Variants in HIPK2 observed in about 807,000 individuals in gnomAD.
HIPK2 encodes the protein homeodomain interacting protein kinase 2.
A neutral mutation model predicts 113.7 loss-of-function variants in HIPK2; 27 were observed. That is an observed-to-expected ratio of 0.24 (90% CI 0.17 to 0.33). The LOEUF is 0.33. HIPK2 is among the 10% of genes least tolerant of loss of function. The probability of loss-of-function intolerance (pLI) is 1.00; values close to 1 mark genes in which losing one functional copy is unlikely to be tolerated. For missense variants in HIPK2, 1,257 were observed against 1,588.0 expected, an observed-to-expected ratio of 0.79 and a Z score of 3.54; for synonymous variants, 631 against 642.2, an observed-to-expected ratio of 0.98 and a Z score of 0.26.
chr7:139,760,247 G>A (rs574122539), intron 1 of HIPK2, among the ~76,000 whole-genome samples: 7 of 152,106 alleles, frequency 4.6e-5, no homozygotes, highest in South Asian at 2.1e-4. Context: ...CTCATCATCC[G>A]CCCACCTCGG....
intron 1 of HIPK2, among the ~76,000 whole-genome samples, chr7:139,774,490 A>G (rs762485675): frequency 2.6e-5 from 4 of 152,236 alleles, no homozygotes; most frequent in African/African-American, 9.6e-5. Context: ...ACAGGAACAG[A>G]TATTTTAGGG....
intron 1 of HIPK2, 150 bp from the exon 2 acceptor site, chr7:139,717,165 C>T: frequency 9.5e-7 from 1 of 1,047,188 alleles, no homozygotes; most frequent in Non-Finnish European, 1.3e-6. Context: ...GAATCTCTTC[C>T]ACCCAGAAGC....
At chr7:139,641,166 AC>A (rs897313839) in intron 2 of HIPK2, among the ~76,000 whole-genome samples, 8 of 152,050 alleles carry the variant, frequency 5.3e-5, no homozygotes, top group African/African-American at 1.9e-4. Context: ...GGAGTTCGAG[AC>A]CAGCCTGGTC....
chr7:139,730,039 G>T (rs774585289), intron 1 of HIPK2, among the ~76,000 whole-genome samples: 6 of 152,188 alleles, frequency 3.9e-5, no homozygotes, highest in Admixed American at 1.3e-4. Flanking sequence ...GGCAACGGAA[G>T]GTAAGCCTCA....
At position 139,598,148 on chromosome 7, in the gene HIPK2, G is replaced by A. The variant is rs540101716; in HGVS notation, c.2436-1150C>T. On this transcript the variant is annotated intron_variant, in intron 11 of 14. Coordinates refer to ENST00000406875, the MANE Select transcript of HIPK2 (RefSeq NM_022740.5). ...ATCATGTCAATCCTCAAAAAGTTCC[G>A]AATTTGGGACAATTTTGGAGTTCTG... Among the ~76,000 whole-genome samples the A allele has an allele frequency of 2.0e-5, 3 of 152,150 alleles. No individual in the cohort carries two copies. The South Asian group carries it at 6.2e-4, about 32-fold the overall frequency.
intron 1 of HIPK2, among the ~76,000 whole-genome samples, chr7:139,774,040 A>G (rs1468367850): frequency 2.0e-5 from 3 of 152,224 alleles, no homozygotes; most frequent in Non-Finnish European, 4.4e-5. Context: ...AAGGTCACAG[A>G]GGGAGTAAAA....
chr7:139,591,626 C>T (rs1799028887), intron 12 of HIPK2, among the ~76,000 whole-genome samples: 2 of 152,244 alleles, frequency 1.3e-5, no homozygotes, highest in Non-Finnish European at 2.9e-5. Context: ...CCACTCTACT[C>T]AGCCCACTGG....
chr7:139,655,379 G>A (rs1266710724), intron 2 of HIPK2, among the ~76,000 whole-genome samples: 1 of 152,232 alleles, frequency 6.6e-6, no homozygotes. Flanking sequence ...GAGAGTGAAT[G>A]GGGAGGCCCT....
In HIPK2 at chr7:139,620,470, G is replaced by A. The variant is rs774736262; in HGVS notation, c.1713C>T (p.His571=). Residue 571 remains histidine (H), a synonymous_variant, in exon 7 of 15, where the codon CAC becomes CAT. Transcript: ENST00000406875. ...VNQSKTPFIT[H]VAPSTSTNLT... ...GGTTGGTGGACGTGCTGGGGGCCAC[G>A]TGCGTGATGAAAGGGGTTTTGCTCT... 6.2e-6 allele frequency: 10 copies of A among 1,614,028 alleles called. No homozygotes were observed. Among genetic ancestry groups the A allele is most frequent in the African/African-American group, 4.0e-5 (3 of 75,012 alleles).
chr7:139,656,470 C>G (rs553569778), intron 2 of HIPK2, among the ~76,000 whole-genome samples: 1 of 152,152 alleles, frequency 6.6e-6, no homozygotes, highest in Non-Finnish European at 1.5e-5. Flanking sequence ...CTTCTTTATT[C>G]TCAATGCCAC....
chr7:139,730,915 T>C (rs1795758678), intron 1 of HIPK2, among the ~76,000 whole-genome samples: 1 of 152,084 alleles, frequency 6.6e-6, no homozygotes, highest in Non-Finnish European at 1.5e-5. Flanking sequence ...ACTGGAGCAA[T>C]GCAGCTGTAA....
intron 1 of HIPK2, among the ~76,000 whole-genome samples, chr7:139,761,674 C>T (rs773328948): frequency 6.6e-6 from 1 of 152,184 alleles, no homozygotes; most frequent in East Asian, 1.9e-4. Flanking sequence ...AAGGAAGTTA[C>T]AACCAGACAT....
At chr7:139,654,018 C>T (rs993619829) in intron 2 of HIPK2, among the ~76,000 whole-genome samples, 2 of 152,172 alleles carry the variant, frequency 1.3e-5, no homozygotes, top group Non-Finnish European at 2.9e-5. Flanking sequence ...TAGGCGTGAG[C>T]CACTGTGCCC....
intron 1 of HIPK2, among the ~76,000 whole-genome samples, chr7:139,735,757 A>T (rs991052465): frequency 3.9e-5 from 6 of 152,230 alleles, no homozygotes; most frequent in African/African-American, 1.2e-4. Flanking sequence ...AGGCGAAGCC[A>T]GGGGTGAGCT....
At chr7:139,639,136 T>G (rs1168660824) in intron 2 of HIPK2, among the ~76,000 whole-genome samples, 1 of 152,158 alleles carries the variant, frequency 6.6e-6, no homozygotes, top group African/African-American at 2.4e-5. Flanking sequence ...AGTTCCCCAT[T>G]TGGCCCCCAG....
At chr7:139,726,122 C>A (rs1795567931) in intron 1 of HIPK2, among the ~76,000 whole-genome samples, 2 of 152,282 alleles carry the variant, frequency 1.3e-5, no homozygotes, top group African/African-American at 4.8e-5. Context: ...AGAAATATAA[C>A]CATAAGAAAT....
At chr7:139,671,530 A>G (rs922706412) in intron 2 of HIPK2, among the ~76,000 whole-genome samples, 3 of 152,158 alleles carry the variant, frequency 2.0e-5, no homozygotes, top group African/African-American at 7.2e-5. Flanking sequence ...GATTAGACTC[A>G]TTGGTAGTAC....
intron 2 of HIPK2, among the ~76,000 whole-genome samples, chr7:139,659,641 T>TCCTTGGCCTATG (rs764373478): frequency 6.6e-6 from 1 of 152,234 alleles, no homozygotes; most frequent in East Asian, 1.9e-4. Context: ...TTATTCCCTG[T>TCCTTGGCCTATG]CCTTGGCCTA....
chr7:139,675,632 T>C (rs560375433), intron 2 of HIPK2, among the ~76,000 whole-genome samples: 18 of 152,282 alleles, frequency 1.2e-4, no homozygotes, highest in African/African-American at 4.3e-4. Flanking sequence ...ACAAAGTTGA[T>C]GTCAGCAAGA....
Sources: gnomAD v4.1 joint callset for allele counts (sites outside exome capture counted in the v4.1 genomes callset) on GRCh38, gnomAD v4.1.1 for gene constraint, MANE v1.5 for transcripts, NCBI Gene and HGNC (gene_info 2026-07-23, HGNC 2026-07-21) for gene names.